ACACB: variants seen among roughly 807,000 people sequenced by gnomAD.
ACACB encodes the protein acetyl-CoA carboxylase 2.
Under a neutral mutation model 278.8 loss-of-function variants are expected in ACACB, and 209 were observed. That is an observed-to-expected ratio of 0.75 (90% CI 0.67 to 0.84). The LOEUF (loss-of-function observed/expected upper bound fraction) is 0.84, where lower values mean the gene tolerates loss of function less well. Ranked by LOEUF, ACACB falls within the 40% of genes least tolerant of loss-of-function variation. The pLI, the probability that ACACB is intolerant of heterozygous loss-of-function variation, is 0.00. For synonymous variants in ACACB, 1,174 were observed against 1,285.6 expected (o/e 0.91, Z 1.86); for missense variants, 2,850 against 3,269.0 (o/e 0.87, Z 3.13).
rs371408053 is a variant in ACACB, at chr12:109,170,798, T to A, written c.926-1007T>A. ...AGATGGTAAATTTTGTGTGTGTTTT[T>A]TTTTTTACCATAATTTAAAACTCTG... On this transcript the variant is annotated intron_variant, in intron 4 of 52. Transcript: ENST00000338432. 3.2e-3 allele frequency among the ~76,000 whole-genome samples: 481 copies of A among 152,212 alleles called. 1 individual carries two copies. The highest frequency in any genetic ancestry group is 0.011 in the African/African-American group (447 of 41,546).
chr12:109,160,947 C>G (rs929551978), intron 2 of ACACB, among the ~76,000 whole-genome samples: 1 of 152,120 alleles, frequency 6.6e-6, no homozygotes, highest in African/African-American at 2.4e-5. Context: ...GGTCAAATTG[C>G]TAGAGTTTTA....
At chr12:109,259,665 G>A (rs1447029887) in intron 47 of ACACB, among the ~76,000 whole-genome samples, 1 of 152,204 alleles carries the variant, frequency 6.6e-6, no homozygotes, top group Non-Finnish European at 1.5e-5. Flanking sequence ...AGGTCAGGGA[G>A]GGGCAGCCCC....
chr12:109,172,074 G>A (rs764197267), intron 5 of ACACB, among the ~76,000 whole-genome samples, 160 bp downstream of exon 5: 34 of 152,104 alleles, frequency 2.2e-4, no homozygotes, highest in African/African-American at 6.5e-4. Context: ...CAAGTGAGGC[G>A]AAGCACATTC....
At chr12:109,260,073 G>C (rs2047338520) in intron 47 of ACACB, 1 of 1,359,480 alleles carries the variant, frequency 7.4e-7, no homozygotes, top group Non-Finnish European at 9.7e-7. Context: ...AGGGTGCCTG[G>C]GGACCTGGAG....
In ACACB at chr12:109,230,574, C is replaced by T. The variant is rs187456942; in HGVS notation, c.4002-2095C>T. ...TGTAGCTGGGACCACAGGCTTGCGC[C>T]ACCACACCTGGCTAATTCTTTAAAA... On this transcript the variant is annotated intron_variant, in intron 28 of 52. Transcript: ENST00000338432. Among the ~76,000 whole-genome samples, 110 of 152,328 alleles carry T rather than the reference C, an allele frequency of 7.2e-4. 1 individual carries two copies. Among genetic ancestry groups the T allele is most frequent in the African/African-American group, 2.6e-3 (107 of 41,572 alleles).
chr12:109,243,341 G>A (rs1024732961), intron 37 of ACACB, among the ~76,000 whole-genome samples: 1 of 152,144 alleles, frequency 6.6e-6, no homozygotes, highest in Admixed American at 6.5e-5. Flanking sequence ...GCTCACGCCT[G>A]TAATCCCAGC....
At chr12:109,253,384 A>C (rs965971798) in intron 43 of ACACB, among the ~76,000 whole-genome samples, 1 of 152,062 alleles carries the variant, frequency 6.6e-6, no homozygotes, top group Non-Finnish European at 1.5e-5. Flanking sequence ...TAAGGATGCT[A>C]TCTGTTAATC....
intron 2 of ACACB, among the ~76,000 whole-genome samples, chr12:109,147,580 A>C (rs2043274472): frequency 6.6e-6 from 1 of 151,390 alleles, no homozygotes; most frequent in African/African-American, 2.4e-5. Flanking sequence ...TTTATGATCT[A>C]CTTGGTTATT....
chr12:109,258,405 G>C, intron 46 of ACACB, 41 bp downstream of exon 46: 1 of 1,550,454 alleles, frequency 6.4e-7, no homozygotes, highest in Non-Finnish European at 8.8e-7. Context: ...TTAGCCAGCG[G>C]TACTGTCGAG....
In ACACB at chr12:109,242,591, A is replaced by G. The variant is rs375618828; in HGVS notation, c.5177A>G (p.Gln1726Arg). 6.2e-6 allele frequency: 10 copies of G among 1,613,906 alleles called. No homozygotes were observed. The highest frequency in any genetic ancestry group is 2.7e-5 in the African/African-American group (2 of 74,938). ...TATGACTTCCCGGAAATGTTCAGGC[A>G]GGCAAGTCCGGCGGCTCAGACGCGG... Reference protein sequence around the residue: ...YIYDFPEMFRQALFKLWGSPD... With the variant: ...YIYDFPEMFRRALFKLWGSPD... Residue 1726 changes from glutamine to arginine, a missense_variant and splice_region_variant, in exon 37 of 53, where the codon CAG becomes CGG. Transcript: ENST00000338432.
intron 4 of ACACB, among the ~76,000 whole-genome samples, chr12:109,171,551 T>A (rs2044115948): frequency 6.6e-6 from 1 of 151,834 alleles, no homozygotes; most frequent in Non-Finnish European, 1.5e-5. Context: ...AATTTCACCA[T>A]GTTGCCCAGG....
At chr12:109,176,119 C>A (rs768994579) in intron 8 of ACACB, 34 bp from the exon 9 acceptor site, 4 of 1,613,100 alleles carry the variant, frequency 2.5e-6, no homozygotes, top group South Asian at 1.1e-5. Context: ...AACTGGCTAA[C>A]CTCTAAAGAG....
At chr12:109,192,594 C>T (rs1380887356) in intron 15 of ACACB, among the ~76,000 whole-genome samples, 1 of 152,106 alleles carries the variant, frequency 6.6e-6, no homozygotes, top group East Asian at 1.9e-4. Context: ...GAATAATCAC[C>T]CCCAGTTGAG....
intron 36 of ACACB, chr12:109,242,213 T>A: frequency 2.0e-6 from 1 of 511,246 alleles, no homozygotes; most frequent in Non-Finnish European, 3.5e-6. Context: ...CCTTGATCAC[T>A]GTATTTTTGG....
In ACACB at chr12:109,252,128, T is replaced by G; in HGVS notation, c.5873T>G (p.Ile1958Ser). 1 of 1,612,942 alleles carries G rather than the reference T, an allele frequency of 6.2e-7. No homozygotes were observed. Among genetic ancestry groups the G allele is most frequent in the Non-Finnish European group, 8.5e-7 (1 of 1,179,560 alleles). ...RVIQVENSHI[I>S]LTGASALNKV... is the part of the protein sequence containing the mutation. The stretch of plus-strand genomic sequence containing the variant: ...ATCCAGGTGGAGAATTCCCACATCA[T>G]CCTCACAGGAGCAAGTGCTCTCAAC... The change falls in exon 42 of 53, where the codon ATC becomes AGC. Residue 1958 changes from isoleucine to serine, a missense_variant. Ile to Ser is a moderately radical substitution (Grantham distance 142). Around this residue, in one of 3 missense-constraint regions of ACACB, gnomAD observed 579 missense variants for 684.6 expected, o/e 0.85. Coordinates refer to ENST00000338432, the MANE Select transcript of ACACB (RefSeq NM_001093.4).
chr12:109,241,310 A>G (rs1464268892), intron 36 of ACACB, 29 bp downstream of exon 36: 2 of 1,603,132 alleles, frequency 1.2e-6, no homozygotes, highest in Non-Finnish European at 1.7e-6. Flanking sequence ...GTGGGGGTCT[A>G]AGTCAAAGCA....
At chr12:109,206,209 G>T (rs571891276) in intron 19 of ACACB, among the ~76,000 whole-genome samples, 2 of 152,164 alleles carry the variant, frequency 1.3e-5, no homozygotes, top group East Asian at 1.9e-4. Context: ...GCCAAGGCGG[G>T]CAGATCATGA....
At chr12:109,168,403 T>G (rs149304865) in intron 4 of ACACB, among the ~76,000 whole-genome samples, 1 of 152,332 alleles carries the variant, frequency 6.6e-6, no homozygotes, top group East Asian at 1.9e-4. Context: ...AAACAACTGT[T>G]GGATGATTTA....
chr12:109,199,683 C>G, intron 18 of ACACB, 131 bp downstream of exon 18: 1 of 1,012,728 alleles, frequency 9.9e-7, no homozygotes. Flanking sequence ...GGGAATCAGT[C>G]TGTGGATTTC....
Sources: allele counts gnomAD v4.1 joint callset (sites outside exome capture counted in the v4.1 genomes callset), GRCh38; gene constraint gnomAD v4.1.1; regional missense constraint gnomAD v4.1.1; transcripts MANE v1.5; gene names NCBI Gene and HGNC (gene_info 2026-07-23, HGNC 2026-07-21).